The following DNAH2 variants were observed in gnomAD, a reference collection of about 807,000 sequenced individuals.
DNAH2 encodes axonemal beta dynein heavy chain 2.
Under a neutral mutation model 523.5 loss-of-function variants are expected in DNAH2, and 323 were observed. The ratio of observed to expected loss-of-function variants is 0.62; its 90% CI spans 0.56 to 0.68. The LOEUF is 0.68. Among genes scored for constraint, DNAH2 ranks in the 30% least tolerant of loss-of-function variants. DNAH2 has a pLI of 0.00. For missense variants in DNAH2, 4,907 were observed against 5,701.5 expected, an observed-to-expected ratio of 0.86 and a Z score of 4.49; for synonymous variants, 2,093 against 2,177.4, an observed-to-expected ratio of 0.96 and a Z score of 1.08.
chr17:7,830,395 T>G lies in DNAH2; in HGVS notation c.11949T>G (p.Phe3983Leu). ...SKPAKYKKLL[F>L]SLCFFHSVLL... Reference sequence around the variant, plus strand: ...CTGCCAAATATAAGAAGCTGCTGTTTTCACTCTGTTTCTTCCACTCTGTGT... The same window carrying G: ...CTGCCAAATATAAGAAGCTGCTGTTGTCACTCTGTTTCTTCCACTCTGTGT... The change falls in exon 78 of 86, where the codon TTT (phenylalanine) becomes TTG (leucine). Residue 3983 changes from phenylalanine (F) to leucine (L), a missense_variant. Phe to Leu is a conservative substitution (Grantham distance 22). This residue lies in a region of DNAH2 where 1,851 missense variants were observed against 2,139.4 expected (regional missense o/e 0.87). Coordinates refer to ENST00000572933, the MANE Select transcript of DNAH2 (RefSeq NM_020877.5). 2 of 1,614,252 alleles carry G rather than the reference T, an allele frequency of 1.2e-6. No homozygotes were observed. Among genetic ancestry groups the G allele is most frequent in the South Asian group, 1.1e-5 (1 of 91,092 alleles).
chr17:7,760,741 G>C lies in DNAH2; in HGVS notation c.2787G>C (p.Glu929Asp). ...AGCATCTTTCTTGGTCCTTTGAAGA[G>C]CAAGATGAGGACATCAAGAAGATCC... is the stretch of plus-strand genomic sequence containing the variant. ...LHREPIQTVV[E>D]QDEDIKKIQT... is the part of the protein sequence containing the mutation. Residue 929 changes from glutamate to aspartate, a missense_variant and splice_region_variant, in exon 18 of 86, where the codon GAG (glutamate) becomes GAC (aspartate). Physicochemically the swap from Glu to Asp is conservative, Grantham distance 45. Transcript: ENST00000572933. The surrounding 1 kb of genome is among the most constrained non-coding windows in gnomAD (Gnocchi z 4.0). 6.2e-7 allele frequency: 1 copy of C among 1,612,854 alleles called. No homozygotes were observed. Among genetic ancestry groups the C allele is most frequent in the Non-Finnish European group, 8.5e-7 (1 of 1,179,282 alleles).
At position 7,792,077 on chromosome 17, in the gene DNAH2, G is replaced by T. The variant is rs201672376; in HGVS notation, c.7053+8G>T. 2 of 1,612,334 alleles carry T rather than the reference G, an allele frequency of 1.2e-6. No homozygotes were observed. Among genetic ancestry groups the T allele is most frequent in the African/African-American group, 1.3e-5 (1 of 74,622 alleles). ...GGCTCCTTTCCCAATAAGGTTGGGC[G>T]CACACCTGGCTGTCCTATTTGCCCT... On this transcript the variant is annotated splice_region_variant and intron_variant, in intron 45 of 85. Coordinates refer to ENST00000572933, the MANE Select transcript of DNAH2 (RefSeq NM_020877.5).
In DNAH2 at chr17:7,798,103, G is replaced by T. The variant is rs1402398651; in HGVS notation, c.8231-54G>T. 2 of 1,529,524 alleles carry T rather than the reference G, an allele frequency of 1.3e-6. No homozygotes were observed. The highest frequency in any genetic ancestry group is 1.8e-6 in the Non-Finnish European group (2 of 1,137,680). 94.7% of individuals were successfully genotyped at this position (1,529,524 alleles called of 1,614,324 possible). A position where few individuals can be genotyped will look rare whatever the true frequency, so the allele number is the denominator to read the frequency against. On this transcript the variant is annotated intron_variant, in intron 53 of 85. Coordinates refer to ENST00000572933, the MANE Select transcript of DNAH2 (RefSeq NM_020877.5). This position sits in a 1 kb window ranked among gnomAD's most constrained non-coding sequence, Gnocchi z 5.5. ...CCAATCCCTAGCCTAGGGCCTGGAG[G>T]TCCCCTGAGTTTGCTCAGCCAACTC...
Position 7,778,328 on chromosome 17 carries a change from C to A in DNAH2, c.5400C>A (p.Ser1800=), listed in dbSNP as rs1331458727. The A allele has an allele frequency of 6.2e-7, 1 of 1,614,196 alleles. No individual in the cohort carries two copies. The highest frequency in any genetic ancestry group is 1.1e-5 in the South Asian group (1 of 91,082). The change falls in exon 35 of 86, where the codon TCC becomes TCA. Residue 1800 remains serine, a synonymous_variant. Coordinates refer to ENST00000572933, the MANE Select transcript of DNAH2 (RefSeq NM_020877.5). ...CATTGCACCTGCACCGAGGGGGCTC[C>A]CCCAAAGGCCCTGCAGGCACAGGCA... ...TTALHLHRGG[S]PKGPAGTGKT...
In DNAH2 at chr17:7,792,065, A is replaced by G; in HGVS notation, c.7049A>G (p.Asn2350Ser). Residue 2350 changes from asparagine (N) to serine (S), a missense_variant, in exon 45 of 86, where the codon AAT becomes AGT. By Grantham distance (46) the Asn-to-Ser change is conservative. Around this residue, in one of 3 missense-constraint regions of DNAH2, gnomAD observed 2,806 missense variants for 3,190.8 expected, o/e 0.88. Transcript: ENST00000572933. ...CGAGAGATCGAGGGCTCCTTTCCCA[A>G]TAAGGTTGGGCGCACACCTGGCTGT... Reference protein sequence around the residue: ...YLREIEGSFPNKDTVYEYFVD... With the variant: ...YLREIEGSFPSKDTVYEYFVD... The G allele has an allele frequency of 6.2e-7, 1 of 1,612,440 alleles. No individual in the cohort carries two copies. The highest frequency in any genetic ancestry group is 8.5e-7 in the Non-Finnish European group (1 of 1,179,716).
Position 7,819,254 on chromosome 17 carries a change from C to T in DNAH2, c.10861C>T (p.Leu3621Phe). ...AQRASILFFV[L>F]NDMGCIDPMY... ...GCGGGCATCAATCCTGTTCTTCGTGCTCAATGATATGGGCTGCATCGACCC... is the reference window on the plus strand; with the variant it reads ...GCGGGCATCAATCCTGTTCTTCGTGTTCAATGATATGGGCTGCATCGACCC... The change falls in exon 72 of 86, where the codon CTC becomes TTC. Residue 3621 changes from leucine (L) to phenylalanine (F), a missense_variant. By Grantham distance (22) the Leu-to-Phe change is conservative. Transcript: ENST00000572933. 6.2e-7 allele frequency: 1 copy of T among 1,614,158 alleles called. No homozygotes were observed. Among genetic ancestry groups the T allele is most frequent in the Non-Finnish European group, 8.5e-7 (1 of 1,180,046 alleles).
intron 7 of DNAH2, among the ~76,000 whole-genome samples, chr17:7,735,319 C>T (rs965307112): frequency 1.3e-5 from 2 of 152,108 alleles, no homozygotes; most frequent in African/African-American, 2.4e-5. Flanking sequence ...TTAGTAGAGA[C>T]GGGGTTTCAC....
In DNAH2 at chr17:7,777,885, G is replaced by A. The variant is rs1335588425; in HGVS notation, c.5248-192G>A. On this transcript the variant is annotated intron_variant, in intron 33 of 85. Transcript: ENST00000572933. ...TCCAGGCAGCTGCTGCATTGGGTCG[G>A]GGTGGATGTGCAACATGAAACCCAT... 2.0e-5 allele frequency among the ~76,000 whole-genome samples: 3 copies of A among 152,078 alleles called. No individual in the cohort carries two copies. The East Asian group carries it at 5.8e-4, about 29-fold the overall frequency.
chr17:7,785,931 C>T (rs998791695), intron 39 of DNAH2, among the ~76,000 whole-genome samples, 193 bp from the exon 40 acceptor site: 2 of 152,132 alleles, frequency 1.3e-5, no homozygotes, highest in African/African-American at 4.8e-5. Flanking sequence ...ACCAGGCTGG[C>T]GGACTCCAGA....
At chr17:7,775,716 AAAAAG>A (rs1408629752) in intron 30 of DNAH2, among the ~76,000 whole-genome samples, 4 of 151,554 alleles carry the variant, frequency 2.6e-5, no homozygotes, top group Non-Finnish European at 5.9e-5. Flanking sequence ...AAAAAAAAAA[AAAAAG>A]AAAGTTCAAC....
intron 28 of DNAH2, among the ~76,000 whole-genome samples, chr17:7,773,273 C>T (rs1164870271): frequency 6.6e-6 from 1 of 152,186 alleles, no homozygotes; most frequent in Admixed American, 6.5e-5. Context: ...TCACTGTGTG[C>T]ACATGCCATG....
chr17:7,789,630 G>A (rs2076841236), intron 44 of DNAH2, among the ~76,000 whole-genome samples: 1 of 149,128 alleles, frequency 6.7e-6, no homozygotes, highest in Non-Finnish European at 1.5e-5. Context: ...AGGCTGGAGT[G>A]CAGTGGCACG....
chr17:7,793,926 AAG>A (rs1283512632), intron 48 of DNAH2, among the ~76,000 whole-genome samples: 1 of 152,222 alleles, frequency 6.6e-6, no homozygotes, highest in African/African-American at 2.4e-5. Context: ...AAAGAAGAAA[AAG>A]AGAAAAAGAA....
intron 28 of DNAH2, among the ~76,000 whole-genome samples, chr17:7,772,866 C>T (rs1326130484): frequency 4.6e-5 from 7 of 152,178 alleles, no homozygotes; most frequent in East Asian, 1.9e-4. Context: ...CTCCACCTCC[C>T]GGTTCAAGCA....
In DNAH2 at chr17:7,770,314, C is replaced by A. The variant is rs1597601248; in HGVS notation, c.4004C>A (p.Thr1335Asn). The change falls in exon 25 of 86, where the codon ACC (threonine) becomes AAC (asparagine). Residue 1335 changes from threonine (T) to asparagine (N), a missense_variant. This residue lies in a region of DNAH2 where 2,806 missense variants were observed against 3,190.8 expected (regional missense o/e 0.88). Transcript: ENST00000572933. ...TTTGATCAGGAATCTGAAAGCTTCACCTTGGAGCAGATTGTGGAGCTTGGG... is the reference window on the plus strand; with the variant it reads ...TTTGATCAGGAATCTGAAAGCTTCAACTTGGAGCAGATTGTGGAGCTTGGG... ...REFDQESESF[T>N]LEQIVELGMD... 6.2e-7 allele frequency: 1 copy of A among 1,613,944 alleles called. No individual in the cohort carries two copies. Among genetic ancestry groups the A allele is most frequent in the East Asian group, 2.2e-5 (1 of 44,888 alleles).
chr17:7,820,994 G>C (rs531177073), intron 72 of DNAH2, among the ~76,000 whole-genome samples: 1 of 152,096 alleles, frequency 6.6e-6, no homozygotes, highest in Non-Finnish European at 1.5e-5. Context: ...TGTCGAGATC[G>C]TACCATGGTA....
intron 58 of DNAH2, 42 bp from the exon 59 acceptor site, chr17:7,804,214 G>A (rs747106397): frequency 9.3e-6 from 15 of 1,605,836 alleles, no homozygotes; most frequent in Middle Eastern, 3.8e-4. Flanking sequence ...GCGCTTTCCG[G>A]AAGCCCCGCC....
chr17:7,751,116 G>GTTATTTAT (rs141014293), intron 12 of DNAH2, among the ~76,000 whole-genome samples: 22 of 150,346 alleles, frequency 1.5e-4, no homozygotes, highest in African/African-American at 2.7e-4. Context: ...AAAAAATCAA[G>GTTATTTAT]TTATTTATTT....
intron 61 of DNAH2, among the ~76,000 whole-genome samples, chr17:7,806,045 A>G (rs1362342797): frequency 2.0e-5 from 3 of 152,234 alleles, no homozygotes; most frequent in Non-Finnish European, 4.4e-5. Flanking sequence ...TAATACTGAC[A>G]TTCAGCTTAC....
Sources: gnomAD v4.1 joint callset for allele counts (sites outside exome capture counted in the v4.1 genomes callset) on GRCh38, gnomAD v4.1.1 for gene constraint, gnomAD v4.1.1 regional missense constraint, Gnocchi (gnomAD v3.1) non-coding constraint, MANE v1.5 for transcripts, NCBI Gene and HGNC (gene_info 2026-07-23, HGNC 2026-07-21) for gene names.